Variants in SLC10A7 observed in about 807,000 individuals in gnomAD.
The protein encoded by SLC10A7 is sodium/bile acid cotransporter 7.
A neutral mutation model predicts 43.2 loss-of-function variants in SLC10A7; 29 were observed. The ratio of observed to expected loss-of-function variants is 0.67; its 90% CI spans 0.50 to 0.92. The LOEUF is 0.92. SLC10A7 is among the 40% of genes least tolerant of loss of function. The pLI, the probability that SLC10A7 is intolerant of heterozygous loss-of-function variation, is 0.00. For synonymous variants in SLC10A7, 152 were observed against 144.8 expected, an observed-to-expected ratio of 1.05 and a Z score of -0.35; for missense variants, 295 against 403.2, an observed-to-expected ratio of 0.73 and a Z score of 2.30.
intron 5 of SLC10A7, among the ~76,000 whole-genome samples, chr4:146,396,544 TAC>T (rs1212140976): frequency 6.6e-6 from 1 of 152,110 alleles, no homozygotes; most frequent in Non-Finnish European, 1.5e-5. Flanking sequence ...TTGAAGGAAT[TAC>T]AGTTGTGTGG....
intron 4 of SLC10A7, among the ~76,000 whole-genome samples, chr4:146,458,488 C>T (rs1462803158): frequency 2.0e-5 from 3 of 151,746 alleles, no homozygotes; most frequent in East Asian, 1.9e-4. Context: ...TGAAAATTCC[C>T]CAAGCAGACC....
rs1467897104 is a variant in SLC10A7, at chr4:146,437,090, T to A, written c.435+5693A>T. Among the ~76,000 whole-genome samples, 3 of 152,238 alleles carry A rather than the reference T, an allele frequency of 2.0e-5. No homozygotes were observed. In the East Asian group the frequency reaches 5.8e-4, roughly 29 times the overall value. ...TCCCCACATTTATGCTTTGTGTATTTGCTTCAGTATCTCAAAAAATGCCTT... is the reference window on the plus strand; with the variant it reads ...TCCCCACATTTATGCTTTGTGTATTAGCTTCAGTATCTCAAAAAATGCCTT... On this transcript the variant is annotated intron_variant, in intron 5 of 11. Coordinates refer to ENST00000335472, the MANE Select transcript of SLC10A7 (RefSeq NM_001029998.6).
At chr4:146,284,195 T>G (rs2111122738) in intron 9 of SLC10A7, among the ~76,000 whole-genome samples, 1 of 152,314 alleles carries the variant, frequency 6.6e-6, no homozygotes, top group South Asian at 2.1e-4. Context: ...TAGAGTCTAT[T>G]CATTCCCTGC....
intron 6 of SLC10A7, among the ~76,000 whole-genome samples, chr4:146,321,706 G>C (rs1732722017): frequency 6.6e-6 from 1 of 151,976 alleles, no homozygotes; most frequent in African/African-American, 2.4e-5. Flanking sequence ...CAAAGTGCTG[G>C]GATTATAGGT....
At chr4:146,276,076 T>A (rs978141221) in intron 10 of SLC10A7, among the ~76,000 whole-genome samples, 8 of 152,292 alleles carry the variant, frequency 5.3e-5, no homozygotes, top group African/African-American at 1.9e-4. Flanking sequence ...TTTGCCAGAT[T>A]CTTATAGCAA....
At chr4:146,470,035 T>C (rs1391648454) in intron 4 of SLC10A7, among the ~76,000 whole-genome samples, 1 of 152,196 alleles carries the variant, frequency 6.6e-6, no homozygotes, top group Non-Finnish European at 1.5e-5. Context: ...TTGGGGCAGA[T>C]ATATAACTAT....
At chr4:146,395,533 C>T (rs1738760895) in intron 5 of SLC10A7, among the ~76,000 whole-genome samples, 1 of 152,208 alleles carries the variant, frequency 6.6e-6, no homozygotes, top group Non-Finnish European at 1.5e-5. Context: ...ATTCCTTCCC[C>T]AGCACTTTTC....
chr4:146,347,474 G>A (rs375171902), intron 5 of SLC10A7, among the ~76,000 whole-genome samples: 2 of 152,152 alleles, frequency 1.3e-5, no homozygotes, highest in Admixed American at 6.5e-5. Flanking sequence ...CAGCAAAACC[G>A]AATGTTACCA....
At chr4:146,385,091 T>C (rs1439279141) in intron 5 of SLC10A7, among the ~76,000 whole-genome samples, 2 of 152,084 alleles carry the variant, frequency 1.3e-5, no homozygotes, top group Admixed American at 6.6e-5. Flanking sequence ...TCCTTAGTAT[T>C]TTTTCTCTTC....
At chr4:146,486,298 T>A (rs1376400850) in intron 4 of SLC10A7, among the ~76,000 whole-genome samples, 3 of 152,242 alleles carry the variant, frequency 2.0e-5, no homozygotes, top group Non-Finnish European at 4.4e-5. Flanking sequence ...AGCCTTTTAA[T>A]AGCAATAACA....
intron 4 of SLC10A7, among the ~76,000 whole-genome samples, chr4:146,458,070 A>G (rs1219429956): frequency 6.6e-6 from 1 of 151,802 alleles, no homozygotes; most frequent in Non-Finnish European, 1.5e-5. Flanking sequence ...TAGACATAAA[A>G]CTCCTTATAA....
At chr4:146,336,397 C>T (rs1044254677) in intron 5 of SLC10A7, among the ~76,000 whole-genome samples, 3 of 152,088 alleles carry the variant, frequency 2.0e-5, no homozygotes, top group Non-Finnish European at 4.4e-5. Flanking sequence ...TCCTTACAAC[C>T]CACTATTTAA....
chr4:146,353,526 A>C (rs1735306936), intron 5 of SLC10A7, among the ~76,000 whole-genome samples: 1 of 65,920 alleles, frequency 1.5e-5, no homozygotes, highest in Non-Finnish European at 2.7e-5. Context: ...AATCCTCCCT[A>C]ACTCATTTTA....
intron 6 of SLC10A7, among the ~76,000 whole-genome samples, chr4:146,319,312 A>G (rs1732536647): frequency 6.6e-6 from 1 of 151,828 alleles, no homozygotes; most frequent in Admixed American, 6.6e-5. Context: ...TGTTCCTTCC[A>G]CCTGGAACAC....
intron 4 of SLC10A7, among the ~76,000 whole-genome samples, chr4:146,496,527 T>C (rs967834151): frequency 6.6e-6 from 1 of 152,160 alleles, no homozygotes; most frequent in African/African-American, 2.4e-5. Flanking sequence ...AAGACCCTCA[T>C]GTGACAGGTG....
chr4:146,423,108 T>C (rs1729075176), intron 5 of SLC10A7, among the ~76,000 whole-genome samples: 1 of 152,152 alleles, frequency 6.6e-6, no homozygotes, highest in Non-Finnish European at 1.5e-5. Context: ...ACAAGTCCAT[T>C]AAGCACATAG....
At chr4:146,438,454 G>T (rs1001519204) in intron 5 of SLC10A7, among the ~76,000 whole-genome samples, 2 of 151,990 alleles carry the variant, frequency 1.3e-5, no homozygotes, top group African/African-American at 4.8e-5. Context: ...TTACAAGGAT[G>T]ATTTAACTTT....
chr4:146,395,614 G>A (rs901796896), intron 5 of SLC10A7, among the ~76,000 whole-genome samples: 6 of 152,152 alleles, frequency 3.9e-5, no homozygotes, highest in African/African-American at 1.4e-4. Flanking sequence ...TGAGTGAACT[G>A]GAGTCAGGTG....
intron 10 of SLC10A7, among the ~76,000 whole-genome samples, chr4:146,272,681 G>A (rs1427715967): frequency 2.0e-5 from 3 of 152,144 alleles, no homozygotes; most frequent in African/African-American, 4.8e-5. Context: ...ATCTCTGTTT[G>A]CAAGTTGAAA....
Sources: gnomAD v4.1 joint callset for allele counts (sites outside exome capture counted in the v4.1 genomes callset) on GRCh38, gnomAD v4.1.1 for gene constraint, MANE v1.5 for transcripts, NCBI Gene and HGNC (gene_info 2026-07-23, HGNC 2026-07-21) for gene names.